FIBCD1: variants seen among roughly 807,000 people sequenced by gnomAD.
FIBCD1 encodes fibrinogen C domain-containing protein 1.
FIBCD1 carries 47 observed loss-of-function variants against 45.1 expected under a neutral mutation model. The ratio of observed to expected loss-of-function variants is 1.04; its 90% CI spans 0.82 to 1.33. The LOEUF (loss-of-function observed/expected upper bound fraction) is 1.33, where lower values mean the gene tolerates loss of function less well. FIBCD1 is among the 40% of genes most tolerant of loss of function. FIBCD1 has a pLI of 0.00. For missense variants in FIBCD1, 653 were observed against 682.2 expected, an observed-to-expected ratio of 0.96 and a Z score of 0.48; for synonymous variants, 313 against 308.1, an observed-to-expected ratio of 1.02 and a Z score of -0.17.
intron 6 of FIBCD1, among the ~76,000 whole-genome samples, chr9:130,904,918 G>C (rs1409548177): frequency 6.6e-6 from 1 of 152,182 alleles, no homozygotes; most frequent in Non-Finnish European, 1.5e-5. Context: ...CATCTTTTAT[G>C]ACATGCAACT....
At chr9:130,911,365 C>G (rs1202941638) in intron 5 of FIBCD1, among the ~76,000 whole-genome samples, 1 of 152,240 alleles carries the variant, frequency 6.6e-6, no homozygotes, top group Non-Finnish European at 1.5e-5. Context: ...ACACTCAGCA[C>G]CACTGGCCAC....
Position 130,928,311 on chromosome 9 carries a change from C to A in FIBCD1, c.552+1256G>T, listed in dbSNP as rs1401252491. On this transcript the variant is annotated intron_variant, in intron 2 of 6. Coordinates refer to ENST00000372338, the MANE Select transcript of FIBCD1 (RefSeq NM_032843.5). ...GGGGTCCCTCCTTCTAAATACCCCACCCCAGCTCTAAGGGTGGGCCTTCAT... is the reference window on the plus strand; with the variant it reads ...GGGGTCCCTCCTTCTAAATACCCCAACCCAGCTCTAAGGGTGGGCCTTCAT... 3.3e-5 allele frequency among the ~76,000 whole-genome samples: 5 copies of A among 152,326 alleles called. No individual in the cohort carries two copies. The East Asian group carries it at 7.7e-4, about 24-fold the overall frequency.
upstream of FIBCD1, chr9:130,939,374 C>A (rs1832578427): frequency 6.6e-6 from 1 of 152,198 alleles, no homozygotes; most frequent in South Asian, 2.1e-4. Flanking sequence ...GTGGGGTGCG[C>A]CCCCTGCGGG....
At chr9:130,906,435 G>T (rs759419266) in intron 5 of FIBCD1, among the ~76,000 whole-genome samples, 1 of 152,112 alleles carries the variant, frequency 6.6e-6, no homozygotes. Context: ...CCCCCATCCC[G>T]CCCGGACAAG....
At chr9:130,911,616 C>T (rs1002996125) in intron 5 of FIBCD1, among the ~76,000 whole-genome samples, 176 bp downstream of exon 5, 1 of 152,244 alleles carries the variant, frequency 6.6e-6, no homozygotes, top group Non-Finnish European at 1.5e-5. Flanking sequence ...CAATGTCTGG[C>T]CTCATTCCTT....
intron 5 of FIBCD1, among the ~76,000 whole-genome samples, chr9:130,910,076 G>A (rs1832009215): frequency 6.6e-6 from 1 of 152,240 alleles, no homozygotes; most frequent in Non-Finnish European, 1.5e-5. Flanking sequence ...TTCTGGGCTG[G>A]CCAAGGCCGG....
chr9:130,915,112 G>C (rs1832135750), intron 4 of FIBCD1, among the ~76,000 whole-genome samples: 1 of 152,228 alleles, frequency 6.6e-6, no homozygotes, highest in South Asian at 2.1e-4. Context: ...ACTCGTGCTT[G>C]GTGGCAGGTC....
At position 130,926,426 on chromosome 9, in the gene FIBCD1, G is replaced by A. The variant is rs931248168; in HGVS notation, c.553-2030C>T. ...AGGGGAGGGCTGGACAGCGCTTAGC[G>A]GTAGTGGTGTCAGAGCTGCTGTCCC... On this transcript the variant is annotated intron_variant, in intron 2 of 6. Coordinates refer to ENST00000372338, the MANE Select transcript of FIBCD1 (RefSeq NM_032843.5). The surrounding 1 kb of genome is among the most constrained non-coding windows in gnomAD (Gnocchi z 4.1). Among the ~76,000 whole-genome samples the A allele has an allele frequency of 2.6e-5, 4 of 152,234 alleles. No homozygotes were observed. The highest frequency in any genetic ancestry group is 5.9e-5 in the Non-Finnish European group (4 of 68,048).
chr9:130,930,010 G>C lies in FIBCD1; in HGVS notation c.109C>G (p.Leu37Val). ...SCGYVLCTVL[L>V]ALAVLLAVAV... is the part of the protein sequence containing the mutation. ...ACAGCCAGCAGCACAGCCAGGGCCA[G>C]CAGCACGGTGCACAGCACGTAGCCG... is the stretch of plus-strand genomic sequence containing the variant. The change falls in exon 2 of 7, where the codon CTG (leucine) becomes GTG (valine). Residue 37 changes from leucine (L) to valine (V), a missense_variant. Transcript: ENST00000372338. 1 of 1,530,758 alleles carries C rather than the reference G, an allele frequency of 6.5e-7. No homozygotes were observed. Among genetic ancestry groups the C allele is most frequent in the Non-Finnish European group, 8.8e-7 (1 of 1,138,460 alleles). 94.8% of individuals were successfully genotyped at this position (1,530,758 alleles called of 1,614,324 possible).
rs1005410391 is a variant in FIBCD1, at chr9:130,929,933, C to T, written c.186G>A (p.Thr62=). 92 of 1,549,014 alleles carry T rather than the reference C, an allele frequency of 5.9e-5. No individual in the cohort carries two copies. The highest frequency in any genetic ancestry group is 1.7e-4 in the Middle Eastern group (1 of 5,916). The change falls in exon 2 of 7, where the codon ACG becomes ACA. Residue 62 remains threonine (T), a synonymous_variant. Transcript: ENST00000372338. ...CAGTGCTGACGACAGGTGGGGGCGC[C>T]GTGCCCGGCGCGTGGGCGTGGTTCA... is the stretch of plus-strand genomic sequence containing the variant. ...LFLNHAHAPG[T]APPPVVSTGA... is the part of the protein sequence containing the mutation.
chr9:130,936,113 C>A (rs1028892643), intron 1 of FIBCD1: 1 of 152,236 alleles, frequency 6.6e-6, no homozygotes, highest in East Asian at 1.9e-4. Flanking sequence ...TGTCACGTGG[C>A]CCCCATAACA....
chr9:130,937,672 C>T (rs946387328), intron 1 of FIBCD1, among the ~76,000 whole-genome samples: 4 of 152,214 alleles, frequency 2.6e-5, no homozygotes, highest in African/African-American at 4.8e-5. Flanking sequence ...CCTTGGTGAG[C>T]GAGCGGCCTC....
chr9:130,903,225 CG>C lies in FIBCD1; in HGVS notation c.*838del, dbSNP rs971781677. 3 of 152,690 alleles carry C rather than the reference CG, an allele frequency of 2.0e-5. No homozygotes were observed. The highest frequency in any genetic ancestry group is 7.2e-5 in the African/African-American group (3 of 41,436). The allele number at this position is 152,690 out of a possible 1,614,324, so 9.5% of individuals were successfully genotyped here. A position where few individuals can be genotyped will look rare whatever the true frequency, so the allele number is the denominator to read the frequency against. On this transcript the variant is annotated 3_prime_UTR_variant, in exon 7 of 7. Coordinates refer to ENST00000372338, the MANE Select transcript of FIBCD1 (RefSeq NM_032843.5). ...TTCCCATTAGCGCAGTCCAGCCCCA[CG>C]GTGCAGGGCCCCACCCACCTTCCAG... is the stretch of plus-strand genomic sequence containing the variant.
chr9:130,915,580 G>A (rs937935435), intron 4 of FIBCD1, among the ~76,000 whole-genome samples: 21 of 152,300 alleles, frequency 1.4e-4, no homozygotes, highest in African/African-American at 4.8e-4. Context: ...GCAGGTGCCT[G>A]TAGTCCCAGC....
chr9:130,905,019 A>G (rs1282493636), intron 6 of FIBCD1, among the ~76,000 whole-genome samples: 1 of 152,226 alleles, frequency 6.6e-6, no homozygotes, highest in African/African-American at 2.4e-5. Context: ...AATTTGAAAA[A>G]TTTATTACTT....
At chr9:130,934,096 A>G (rs10122163) in intron 1 of FIBCD1, among the ~76,000 whole-genome samples, 38,760 of 152,070 alleles carry the variant, frequency 0.25, 6,293 homozygotes, top group African/African-American at 0.47. Flanking sequence ...GAGCCTGGGC[A>G]GGGGGCTTAT....
At chr9:130,906,577 G>T (rs1248098235) in intron 5 of FIBCD1, among the ~76,000 whole-genome samples, 1 of 152,190 alleles carries the variant, frequency 6.6e-6, no homozygotes. Flanking sequence ...ACAGCCTAGG[G>T]TCTCACCCAG....
rs941838857 is a variant in FIBCD1 at position 130,924,324 on chromosome 9, T to C, written c.625A>G (p.Arg209Gly). 5.0e-6 allele frequency: 8 copies of C among 1,607,568 alleles called. No homozygotes were observed. Among genetic ancestry groups the C allele is most frequent in the Non-Finnish European group, 6.8e-6 (8 of 1,178,362 alleles). ...SVSDILDALQ[R>G]DRGLGRPRNK... ...CGGGGCCGGCCCAGCCCCCGGTCCC[T>C]CTGCAGGGCATCCAGGATGTCGCTG... Residue 209 changes from arginine to glycine, a missense_variant, in exon 3 of 7, where the codon AGG (arginine) becomes GGG (glycine). Transcript: ENST00000372338.
intron 4 of FIBCD1, among the ~76,000 whole-genome samples, chr9:130,919,418 C>A (rs180844325): frequency 2.6e-5 from 4 of 152,314 alleles, no homozygotes; most frequent in Admixed American, 6.5e-5. Context: ...CCGGCCGCAG[C>A]TGCAGCCCAA....
Sources: gnomAD v4.1 joint callset for allele counts (sites outside exome capture counted in the v4.1 genomes callset) on GRCh38, gnomAD v4.1.1 for gene constraint, Gnocchi (gnomAD v3.1) non-coding constraint, MANE v1.5 for transcripts, NCBI Gene and HGNC (gene_info 2026-07-23, HGNC 2026-07-21) for gene names.